The following PTPRD variants were observed in gnomAD, a reference collection of about 807,000 sequenced individuals.
PTPRD encodes the protein protein tyrosine phosphatase receptor type D, also known as receptor-type tyrosine-protein phosphatase delta.
Under a neutral mutation model 214.5 loss-of-function variants are expected in PTPRD, and 34 were observed. The ratio of observed to expected loss-of-function variants is 0.16; its 90% CI spans 0.12 to 0.21. The LOEUF (loss-of-function observed/expected upper bound fraction) is 0.21, where lower values mean the gene tolerates loss of function less well. Among genes scored for constraint, PTPRD ranks in the 10% least tolerant of loss-of-function variants. The pLI, the probability that PTPRD is intolerant of heterozygous loss-of-function variation, is 1.00. For missense variants in PTPRD, 2,545 were observed against 2,398.7 expected (o/e 1.06, Z -1.27); for synonymous variants, 1,128 against 845.7 (o/e 1.33, Z -5.79).
At chr9:9,636,852 G>A (rs1171394128) in intron 7 of PTPRD, among the ~76,000 whole-genome samples, 1 of 152,176 alleles carries the variant, frequency 6.6e-6, no homozygotes, top group Non-Finnish European at 1.5e-5. Context: ...TAGTCTTGGA[G>A]GCTGGGAAGC....
intron 3 of PTPRD, among the ~76,000 whole-genome samples, chr9:10,134,096 T>G (rs2098924109): frequency 6.6e-6 from 1 of 152,092 alleles, no homozygotes; most frequent in Admixed American, 6.6e-5. Flanking sequence ...TGCTGCACAC[T>G]CACAGCAACA....
At chr9:9,013,493 GTGTT>G (rs1569395763) in intron 11 of PTPRD, among the ~76,000 whole-genome samples, 3 of 152,048 alleles carry the variant, frequency 2.0e-5, no homozygotes, top group Non-Finnish European at 2.9e-5. Flanking sequence ...GTTTTTTTGT[GTGTT>G]TGTTTGTTTT....
intron 4 of PTPRD, among the ~76,000 whole-genome samples, chr9:10,031,639 T>TACACAC (rs1227970344): frequency 1.3e-5 from 1 of 75,362 alleles, no homozygotes. Context: ...TATATATATA[T>TACACAC]ATATATATAC....
chr9:8,380,920 C>G (rs547426550), intron 37 of PTPRD, among the ~76,000 whole-genome samples: 2 of 152,264 alleles, frequency 1.3e-5, no homozygotes, highest in African/African-American at 4.8e-5. Context: ...ACCTCCTCAT[C>G]TCAATTTAAT....
rs540247704 is a variant in PTPRD at position 9,089,116 on chromosome 9, T to A, written c.-142-70381A>T. ...TCAACAAAACCCTTTAATGTGGCTG[T>A]GTTTAAGTGTGTGTGTGTGTTGAGT... On this transcript the variant is annotated intron_variant, in intron 10 of 45. Coordinates refer to ENST00000381196, the MANE Select transcript of PTPRD (RefSeq NM_002839.4). 5.6e-4 allele frequency among the ~76,000 whole-genome samples: 85 copies of A among 152,250 alleles called. 1 individual carries two copies. Among genetic ancestry groups the A allele is most frequent in the African/African-American group, 1.9e-3 (78 of 41,540 alleles).
intron 7 of PTPRD, among the ~76,000 whole-genome samples, chr9:9,652,242 C>T (rs114315328): frequency 2.1e-3 from 326 of 152,226 alleles, no homozygotes; most frequent in African/African-American, 7.4e-3. Context: ...TTGGCTGATG[C>T]CTTTTGTTCT....
At chr9:10,553,750 T>C (rs1212051518) in intron 2 of PTPRD, among the ~76,000 whole-genome samples, 3 of 152,144 alleles carry the variant, frequency 2.0e-5, no homozygotes, top group Non-Finnish European at 4.4e-5. Context: ...GAAAGAACTA[T>C]GCAGCTAGTT....
chr9:8,963,420 T>C (rs2099168989), intron 11 of PTPRD, among the ~76,000 whole-genome samples: 1 of 152,160 alleles, frequency 6.6e-6, no homozygotes, highest in African/African-American at 2.4e-5. Context: ...GTTTTATGCA[T>C]TTTGTATGTG....
chr9:10,462,340 A>T (rs2098965154), intron 2 of PTPRD, among the ~76,000 whole-genome samples: 1 of 152,100 alleles, frequency 6.6e-6, no homozygotes, highest in African/African-American at 2.4e-5. Context: ...TAATCTGCAA[A>T]TGAGTCTACT....
At chr9:8,605,044 C>A (rs1180506892) in intron 14 of PTPRD, among the ~76,000 whole-genome samples, 3 of 152,152 alleles carry the variant, frequency 2.0e-5, no homozygotes. Context: ...ATCTTTTAAT[C>A]TATTAGTTGA....
At chr9:8,964,071 G>C (rs1263752861) in intron 11 of PTPRD, among the ~76,000 whole-genome samples, 1 of 151,790 alleles carries the variant, frequency 6.6e-6, no homozygotes, top group African/African-American at 2.4e-5. Context: ...CATAGAATGA[G>C]TCATAGAGGA....
intron 9 of PTPRD, among the ~76,000 whole-genome samples, chr9:9,352,049 C>A (rs1167530035): frequency 6.6e-6 from 1 of 151,810 alleles, no homozygotes; most frequent in African/African-American, 2.4e-5. Flanking sequence ...CCCAAGGAAT[C>A]CTCCTGCCTT....
intron 4 of PTPRD, among the ~76,000 whole-genome samples, chr9:9,969,215 T>G (rs1223794741): frequency 1.3e-5 from 2 of 152,106 alleles, no homozygotes; most frequent in Non-Finnish European, 2.9e-5. Context: ...GAATTACACA[T>G]CTGAAGAAAG....
At chr9:8,686,655 T>A (rs1316724614) in intron 12 of PTPRD, among the ~76,000 whole-genome samples, 1 of 152,196 alleles carries the variant, frequency 6.6e-6, no homozygotes, top group Non-Finnish European at 1.5e-5. Context: ...GAACCAGAGT[T>A]ATTTTGACTA....
chr9:10,125,097 C>A (rs905330665), intron 3 of PTPRD, among the ~76,000 whole-genome samples: 6 of 152,078 alleles, frequency 3.9e-5, no homozygotes, highest in Non-Finnish European at 8.8e-5. Context: ...TATTTAGGGT[C>A]CCATTTGATA....
chr9:8,973,966 T>C (rs1359455391), intron 11 of PTPRD, among the ~76,000 whole-genome samples: 1 of 152,128 alleles, frequency 6.6e-6, no homozygotes, highest in Non-Finnish European at 1.5e-5. Flanking sequence ...ATTAGACCTT[T>C]GTCAGATTCA....
intron 42 of PTPRD, among the ~76,000 whole-genome samples, 161 bp from the exon 43 acceptor site, chr9:8,339,208 C>G (rs1387407493): frequency 6.6e-6 from 1 of 152,110 alleles, no homozygotes; most frequent in African/African-American, 2.4e-5. Flanking sequence ...CTCTTAGAAA[C>G]CATGAGCTCC....
intron 8 of PTPRD, among the ~76,000 whole-genome samples, chr9:9,573,571 T>G (rs2087293585): frequency 6.6e-6 from 1 of 151,802 alleles, no homozygotes; most frequent in Admixed American, 6.6e-5. Context: ...AATACTTTTG[T>G]TTCTTATTAT....
chr9:9,805,314 A>G (rs1397998619), intron 5 of PTPRD, among the ~76,000 whole-genome samples: 3 of 152,308 alleles, frequency 2.0e-5, no homozygotes, highest in South Asian at 2.1e-4. Flanking sequence ...TGATTTCATT[A>G]TTAGCATCAG....
Sources: gnomAD v4.1 joint callset for allele counts (sites outside exome capture counted in the v4.1 genomes callset) on GRCh38, gnomAD v4.1.1 for gene constraint, MANE v1.5 for transcripts, NCBI Gene and HGNC (gene_info 2026-07-23, HGNC 2026-07-21) for gene names.